The following SLC12A1 variants were observed in gnomAD, a reference collection of about 807,000 sequenced individuals.
The protein encoded by SLC12A1 is solute carrier family 12 member 1, also known as Na-K-2Cl cotransporter.
A neutral mutation model predicts 130.4 loss-of-function variants in SLC12A1; 89 were observed. The ratio of observed to expected loss-of-function variants is 0.68; its 90% CI spans 0.58 to 0.81. SLC12A1 has a LOEUF of 0.81. SLC12A1 is among the 40% of genes least tolerant of loss of function. The pLI is 0.00. For synonymous variants in SLC12A1, 499 were observed against 460.0 expected (o/e 1.08, Z -1.09); for missense variants, 1,310 against 1,336.4 (o/e 0.98, Z 0.31).
At chr15:48,232,535 T>C (rs112683755) in intron 7 of SLC12A1, among the ~76,000 whole-genome samples, 192 bp from the exon 8 acceptor site, 4 of 152,332 alleles carry the variant, frequency 2.6e-5, no homozygotes, top group African/African-American at 9.6e-5. Context: ...ATGTGGCATA[T>C]ACATCCAAGT....
At chr15:48,285,063 T>C (rs2042042913) in intron 20 of SLC12A1, 43 bp from the exon 21 acceptor site, 2 of 1,452,058 alleles carry the variant, frequency 1.4e-6, no homozygotes, top group South Asian at 1.5e-5. Context: ...CTAGAAACTT[T>C]GTAGTTCTGA....
intron 4 of SLC12A1, chr15:48,224,150 T>C (rs1228287070): frequency 1.3e-5 from 2 of 152,122 alleles, no homozygotes; most frequent in Non-Finnish European, 2.9e-5. Context: ...TCACTTTACA[T>C]AGGGGAGCTT....
At chr15:48,231,184 T>C (rs548132491) in intron 7 of SLC12A1, among the ~76,000 whole-genome samples, 1 of 152,180 alleles carries the variant, frequency 6.6e-6, no homozygotes, top group Non-Finnish European at 1.5e-5. Context: ...CATTCCTACA[T>C]GGCATTTATT....
At chr15:48,239,314 C>A (rs540459300) in intron 9 of SLC12A1, among the ~76,000 whole-genome samples, 21 of 152,006 alleles carry the variant, frequency 1.4e-4, no homozygotes, top group African/African-American at 5.1e-4. Context: ...AGTTTGAGAC[C>A]AGCCTGAGCA....
At chr15:48,260,348 T>TCACACA (rs10673427) in intron 17 of SLC12A1, among the ~76,000 whole-genome samples, 2,411 of 144,360 alleles carry the variant, frequency 0.017, 28 homozygotes, top group Middle Eastern at 0.039. Flanking sequence ...TCTCTCTCTA[T>TCACACA]CACACACACA....
Position 48,268,955 on chromosome 15 carries a change from G to T in SLC12A1, c.2296-703G>T, listed in dbSNP as rs530345694. Among the ~76,000 whole-genome samples the T allele has an allele frequency of 4.6e-5, 7 of 152,282 alleles. No homozygotes were observed. In the East Asian group the frequency reaches 1.2e-3, roughly 25 times the overall value. ...ATCCAGAAGAAATGGTAGAAAATTT[G>T]AACATGCATACATTCATATGAATTT... On this transcript the variant is annotated intron_variant, in intron 18 of 26. Coordinates refer to ENST00000380993, the MANE Select transcript of SLC12A1 (RefSeq NM_000338.3).
chr15:48,229,058 T>G (rs1350922283), intron 5 of SLC12A1, 131 bp from the exon 6 acceptor site: 1 of 1,027,166 alleles, frequency 9.7e-7, no homozygotes, highest in Non-Finnish European at 1.4e-6. Flanking sequence ...ACAGGATTCC[T>G]AAAATTACTG....
rs768715971 is a variant in SLC12A1, at chr15:48,241,522, A to G, written c.1223A>G (p.Gln408Arg). The change falls in exon 10 of 27, where the codon CAA becomes CGA. Residue 408 changes from glutamine (Q) to arginine (R), a missense_variant. Transcript: ENST00000380993. ...CACATTATTTTTTTAAAGGATCCCC[A>G]AGATGCCATCCCCAGAGGAACCATG... ...ANISGDLEDPQDAIPRGTMLA... is the reference protein window; with the variant it reads ...ANISGDLEDPRDAIPRGTMLA... 2 of 1,612,860 alleles carry G rather than the reference A, an allele frequency of 1.2e-6. No individual in the cohort carries two copies. Among genetic ancestry groups the G allele is most frequent in the South Asian group, 2.2e-5 (2 of 91,072 alleles).
chr15:48,241,124 G>A (rs1396694582), intron 9 of SLC12A1, among the ~76,000 whole-genome samples: 1 of 152,108 alleles, frequency 6.6e-6, no homozygotes, highest in African/African-American at 2.4e-5. Flanking sequence ...TACACCCAGA[G>A]ATATTATCCA....
chr15:48,258,911 A>C lies in SLC12A1; in HGVS notation c.2043-289A>C, dbSNP rs966889922. Among the ~76,000 whole-genome samples the C allele has an allele frequency of 4.6e-5, 7 of 152,126 alleles. No homozygotes were observed. In the East Asian group the frequency reaches 1.3e-3, roughly 29 times the overall value. ...CTCTCACAATACGTGGCAATTATGG[A>C]AGCTACAATTCAAGATGAGATTTGG... On this transcript the variant is annotated intron_variant, in intron 16 of 26. Coordinates refer to ENST00000380993, the MANE Select transcript of SLC12A1 (RefSeq NM_000338.3).
In SLC12A1 at chr15:48,228,918, T is replaced by G. The variant is rs1484548; in HGVS notation, c.725-271T>G. 265,990 of 290,086 alleles carry G rather than the reference T, an allele frequency of 0.92. 123,299 individuals are homozygous for G. The highest frequency in any genetic ancestry group is 0.98 in the Middle Eastern group (964 of 980). 18.0% of individuals were successfully genotyped at this position (290,086 alleles called of 1,614,324 possible). On this transcript the variant is annotated intron_variant, in intron 5 of 26. Coordinates refer to ENST00000380993, the MANE Select transcript of SLC12A1 (RefSeq NM_000338.3). ...ATAAAGACAACGCATTTTTTGTAAA[T>G]TTTGCTGTGTTCTTTTTTGTAGCTT...
intron 20 of SLC12A1, among the ~76,000 whole-genome samples, 168 bp downstream of exon 20, chr15:48,274,821 T>C (rs987028702): frequency 6.6e-6 from 1 of 152,206 alleles, no homozygotes; most frequent in Admixed American, 6.5e-5. Context: ...TTTTCTTCAA[T>C]GCTAAGACAA....
intron 17 of SLC12A1, among the ~76,000 whole-genome samples, chr15:48,266,217 A>G (rs996235840): frequency 2.0e-5 from 3 of 152,180 alleles, no homozygotes; most frequent in Non-Finnish European, 4.4e-5. Context: ...CCAGATCTCA[A>G]CCCAACATTC....
chr15:48,301,892 T>A (rs2042237314), intron 26 of SLC12A1, among the ~76,000 whole-genome samples: 1 of 152,212 alleles, frequency 6.6e-6, no homozygotes. Context: ...ACTGAAAATG[T>A]ATGTTTGTTT....
At chr15:48,234,724 G>A (rs984390084) in intron 8 of SLC12A1, among the ~76,000 whole-genome samples, 153 bp from the exon 9 acceptor site, 2 of 151,712 alleles carry the variant, frequency 1.3e-5, no homozygotes, top group African/African-American at 2.4e-5. Flanking sequence ...TTGCACTCCA[G>A]CCTGGGCAAC....
At chr15:48,218,489 G>A (rs1164966623) in intron 2 of SLC12A1, among the ~76,000 whole-genome samples, 1 of 152,152 alleles carries the variant, frequency 6.6e-6, no homozygotes, top group African/African-American at 2.4e-5. Flanking sequence ...CCATGGGTAA[G>A]CTATACCTTA....
At chr15:48,236,297 CAGGGATGA>C (rs2041439752) in intron 9 of SLC12A1, among the ~76,000 whole-genome samples, 1 of 152,130 alleles carries the variant, frequency 6.6e-6, no homozygotes. Context: ...TTAAGTTAAT[CAGGGATGA>C]TTTTCTCAAG....
intron 2 of SLC12A1, among the ~76,000 whole-genome samples, chr15:48,209,023 C>T (rs1748306504): frequency 6.6e-6 from 1 of 152,168 alleles, no homozygotes. Context: ...TTAAGAAATA[C>T]AGCCAGGGTT....
At position 48,240,076 on chromosome 15, in the gene SLC12A1, TATATATATATATATCC is replaced by T. The variant is rs1462823905; in HGVS notation, c.1216-1424_1216-1409del. Among the ~76,000 whole-genome samples, 106 of 108,340 alleles carry T rather than the reference TATATATATATATATCC, an allele frequency of 9.8e-4. 4 individuals are homozygous for T. Among genetic ancestry groups the T allele is most frequent in the African/African-American group, 5.0e-3 (94 of 18,672 alleles). The allele number at this position is 108,340 out of a possible 152,430, so 71.1% of individuals were successfully genotyped here. ...ATATATATATATATATATATCCATA[TATATATATATATATCC>T]ATATATATATATATATATCCATATA... On this transcript the variant is annotated intron_variant, in intron 9 of 26. Transcript: ENST00000380993.
Sources: allele counts gnomAD v4.1 joint callset (sites outside exome capture counted in the v4.1 genomes callset), GRCh38; gene constraint gnomAD v4.1.1; transcripts MANE v1.5; gene names NCBI Gene and HGNC (gene_info 2026-07-23, HGNC 2026-07-21).